The following RBFOX3 variants were observed in gnomAD, a reference collection of about 807,000 sequenced individuals.
RBFOX3 encodes RNA binding protein fox-1 homolog 3.
RBFOX3 carries 17 observed loss-of-function variants against 48.7 expected under a neutral mutation model. That is an observed-to-expected ratio of 0.35 (90% CI 0.24 to 0.52). The LOEUF is 0.52. RBFOX3 is among the 20% of genes least tolerant of loss of function. The probability of loss-of-function intolerance (pLI) is 0.94; values close to 1 mark genes in which losing one functional copy is unlikely to be tolerated. For missense variants in RBFOX3, 382 were observed against 497.5 expected (o/e 0.77, Z 2.21); for synonymous variants, 212 against 209.5 (o/e 1.01, Z -0.10).
At chr17:79,350,737 C>T (rs1186825826) in intron 2 of RBFOX3, among the ~76,000 whole-genome samples, 1 of 152,174 alleles carries the variant, frequency 6.6e-6, no homozygotes, top group African/African-American at 2.4e-5. Flanking sequence ...CCTGTGAGAG[C>T]CCCTGATGAG....
intron 3 of RBFOX3, among the ~76,000 whole-genome samples, chr17:79,280,568 G>T (rs1361564612): frequency 6.6e-6 from 1 of 152,226 alleles, no homozygotes; most frequent in Non-Finnish European, 1.5e-5. Flanking sequence ...AATGTCTTCG[G>T]AGTGAGCTCA....
At chr17:79,629,108 C>T in the RBFOX3 span, among the ~76,000 whole-genome samples, 5 of 152,354 alleles carry the variant, frequency 3.3e-5, no homozygotes, top group East Asian at 9.6e-4. Flanking sequence ...CAATCCTGCC[C>T]CCGCGCCCTG....
the RBFOX3 span, among the ~76,000 whole-genome samples, chr17:79,620,462 CAT>C: frequency 5.3e-5 from 8 of 150,024 alleles, no homozygotes; most frequent in Admixed American, 5.3e-4. Context: ...TGCGCACACA[CAT>C]GCACACGTGC....
chr17:79,170,352 G>A (rs2049006080), intron 4 of RBFOX3, among the ~76,000 whole-genome samples: 1 of 152,174 alleles, frequency 6.6e-6, no homozygotes, highest in Non-Finnish European at 1.5e-5. Context: ...ATAGAGGAAG[G>A]AGTTGGACCT....
intron 3 of RBFOX3, among the ~76,000 whole-genome samples, chr17:79,268,068 C>T (rs1418823758): frequency 6.6e-6 from 1 of 152,226 alleles, no homozygotes; most frequent in Non-Finnish European, 1.5e-5. Flanking sequence ...CCTCTTTCAA[C>T]CCTCCGCATC....
intron 2 of RBFOX3, among the ~76,000 whole-genome samples, chr17:79,449,622 A>AACACACACACACACACACACAC (rs57480439): frequency 0.055 from 7,903 of 144,462 alleles, 318 homozygotes; most frequent in South Asian, 0.11. Context: ...TGCACACATA[A>AACACACACACACACACACACAC]ACACACACAC....
At chr17:79,138,948 T>TCCCCCCCACACCTGCACA (rs2041245508) in intron 4 of RBFOX3, among the ~76,000 whole-genome samples, 1 of 31,898 alleles carries the variant, frequency 3.1e-5, no homozygotes, top group African/African-American at 1.2e-4. Flanking sequence ...CACACCCCCC[T>TCCCCCCCACACCTGCACA]CAGCCCCACA....
rs1221161321 is a variant in RBFOX3, at chr17:79,535,922, C to T, written c.-319-53324G>A. On this transcript the variant is annotated intron_variant, in intron 1 of 14. Coordinates refer to ENST00000693108, the MANE Select transcript of RBFOX3 (RefSeq NM_001350451.2). This position sits in a 1 kb window ranked among gnomAD's most constrained non-coding sequence, Gnocchi z 4.5. ...CCAGCCACTGCACCCCTGCCCGTGA[C>T]CAGTAGCGGCAGGGTCATCTCCACA... 6.6e-6 allele frequency among the ~76,000 whole-genome samples: 1 copy of T among 152,164 alleles called. No individual in the cohort carries two copies. The highest frequency in any genetic ancestry group is 1.5e-5 in the Non-Finnish European group (1 of 68,030).
Position 79,423,156 on chromosome 17 carries a change from G to C in RBFOX3, c.-175+59298C>G, listed in dbSNP as rs1182455797. The stretch of plus-strand genomic sequence containing the variant: ...AGTGGCCAACTAGTCACCCCCACCA[G>C]AGTTTTCAAACGTGTCTTGGCGTCA... On this transcript the variant is annotated intron_variant, in intron 2 of 14. Coordinates refer to ENST00000693108, the MANE Select transcript of RBFOX3 (RefSeq NM_001350451.2). The surrounding 1 kb of genome is among the most constrained non-coding windows in gnomAD (Gnocchi z 4.9). 1.3e-5 allele frequency among the ~76,000 whole-genome samples: 2 copies of C among 152,120 alleles called. No homozygotes were observed. Among genetic ancestry groups the C allele is most frequent in the African/African-American group, 2.4e-5 (1 of 41,422 alleles).
At chr17:79,609,783 G>T (rs1239761260) in intron 1 of RBFOX3, among the ~76,000 whole-genome samples, 1 of 151,996 alleles carries the variant, frequency 6.6e-6, no homozygotes, top group Non-Finnish European at 1.5e-5. Flanking sequence ...CGCGCCAGGG[G>T]AGGCTCCGCG....
At chr17:79,118,762 C>G (rs2034821238) in intron 4 of RBFOX3, among the ~76,000 whole-genome samples, 1 of 151,172 alleles carries the variant, frequency 6.6e-6, no homozygotes, top group Non-Finnish European at 1.5e-5. Flanking sequence ...TGCTTGAGCC[C>G]AGGAGTTCGA....
intron 4 of RBFOX3, among the ~76,000 whole-genome samples, chr17:79,211,470 G>A (rs1053541697): frequency 2.6e-5 from 4 of 152,310 alleles, no homozygotes; most frequent in African/African-American, 9.6e-5. Flanking sequence ...TGAGATCATC[G>A]TATGCTGAAC....
rs539546226 is a variant in RBFOX3 at position 79,234,565 on chromosome 17, G to A, written c.-34+1201C>T. The A allele has an allele frequency of 1.3e-3, 198 of 152,232 alleles. 1 individual carries two copies. The highest frequency in any genetic ancestry group is 4.6e-3 in the African/African-American group (191 of 41,534). 9.4% of individuals were successfully genotyped at this position (152,232 alleles called of 1,614,324 possible). A position where few individuals can be genotyped will look rare whatever the true frequency, so the allele number is the denominator to read the frequency against. On this transcript the variant is annotated intron_variant, in intron 4 of 14. Transcript: ENST00000693108. The stretch of plus-strand genomic sequence containing the variant: ...CACCACCCAAAACCCAGGACCTAGC[G>A]AAGAGAGGCCACCTGAGGGCCGATG...
intron 4 of RBFOX3, among the ~76,000 whole-genome samples, chr17:79,162,489 G>C (rs1225655710): frequency 6.6e-6 from 1 of 152,200 alleles, no homozygotes; most frequent in Non-Finnish European, 1.5e-5. Context: ...CACATGCATG[G>C]AGCCATCCTA....
the RBFOX3 span, among the ~76,000 whole-genome samples, chr17:79,619,500 C>T: frequency 6.6e-6 from 1 of 152,208 alleles, no homozygotes; most frequent in African/African-American, 2.4e-5. Context: ...CAGCCTTCTC[C>T]TCTGCCCTTC....
At position 79,391,507 on chromosome 17, in the gene RBFOX3, C is replaced by T. The variant is rs1450495051; in HGVS notation, c.-174-83683G>A. 6.6e-6 allele frequency among the ~76,000 whole-genome samples: 1 copy of T among 152,158 alleles called. No homozygotes were observed. The highest frequency in any genetic ancestry group is 2.4e-5 in the African/African-American group (1 of 41,432). On this transcript the variant is annotated intron_variant, in intron 2 of 14. Coordinates refer to ENST00000693108, the MANE Select transcript of RBFOX3 (RefSeq NM_001350451.2). This position sits in a 1 kb window ranked among gnomAD's most constrained non-coding sequence, Gnocchi z 5.0. Reference sequence around the variant, plus strand: ...CTAAAATGTCAAGTTCATGACTTGTCCGCCCAAATACGGCAAATGCCACCG... The same window carrying T: ...CTAAAATGTCAAGTTCATGACTTGTTCGCCCAAATACGGCAAATGCCACCG...
intron 3 of RBFOX3, among the ~76,000 whole-genome samples, chr17:79,290,704 A>C (rs2073082906): frequency 6.6e-6 from 1 of 152,180 alleles, no homozygotes; most frequent in African/African-American, 2.4e-5. Context: ...CAGAGAAGCA[A>C]TCATTTCTGA....
intron 1 of RBFOX3, among the ~76,000 whole-genome samples, chr17:79,570,979 G>T (rs1283829090): frequency 1.3e-5 from 2 of 152,174 alleles, no homozygotes; most frequent in East Asian, 1.9e-4. Context: ...CGGGAGAAAA[G>T]AATTTTTTAT....
chr17:79,650,405 C>T, the RBFOX3 span, among the ~76,000 whole-genome samples: 1 of 151,978 alleles, frequency 6.6e-6, no homozygotes, highest in Admixed American at 6.6e-5. Flanking sequence ...TCAGGGAAAG[C>T]AGAGGCCCTG....
Sources: gnomAD v4.1 joint callset for allele counts (sites outside exome capture counted in the v4.1 genomes callset) on GRCh38, gnomAD v4.1.1 for gene constraint, Gnocchi (gnomAD v3.1) non-coding constraint, MANE v1.5 for transcripts, NCBI Gene and HGNC (gene_info 2026-07-23, HGNC 2026-07-21) for gene names.